Variants in NALF1 observed in about 807,000 individuals in gnomAD.
NALF1 encodes NALCN channel auxiliary factor 1.
NALF1 carries 3 observed loss-of-function variants against 48.4 expected under a neutral mutation model. The ratio of observed to expected loss-of-function variants is 0.06; its 90% confidence interval spans 0.03 to 0.16. NALF1 has a LOEUF of 0.16. Ranked by LOEUF, NALF1 falls within the 10% of genes least tolerant of loss-of-function variation. NALF1 has a pLI of 1.00. For synonymous variants in NALF1, 262 were observed against 245.7 expected, an observed-to-expected ratio of 1.07 and a Z score of -0.62; for missense variants, 526 against 571.5, an observed-to-expected ratio of 0.92 and a Z score of 0.81.
intron 1 of NALF1, among the ~76,000 whole-genome samples, chr13:107,716,389 G>A (rs2138523640): frequency 6.6e-6 from 1 of 152,296 alleles, no homozygotes; most frequent in Middle Eastern, 3.4e-3. Flanking sequence ...GCCCTGCAAA[G>A]GCTTCATCAG....
chr13:107,534,496 A>G lies in NALF1; in HGVS notation c.916-323741T>C, dbSNP rs149841825. ...TCCATCTTTTATTAAGTTCAGGTGT[A>G]CATATGCAGAATGTGCAGGTTTATT... On this transcript the variant is annotated intron_variant, in intron 1 of 2. Transcript: ENST00000375915. Among the ~76,000 whole-genome samples, 584 of 152,296 alleles carry G rather than the reference A, an allele frequency of 3.8e-3. 5 individuals carry two copies. Among genetic ancestry groups the G allele is most frequent in the African/African-American group, 0.013 (561 of 41,580 alleles).
chr13:107,371,028 A>C (rs980117771), intron 1 of NALF1, among the ~76,000 whole-genome samples: 1 of 152,206 alleles, frequency 6.6e-6, no homozygotes, highest in Admixed American at 6.5e-5. Context: ...TCAAGATGAG[A>C]TTTGGGTGGG....
At position 107,196,441 on chromosome 13, in the gene NALF1, G is replaced by A. The variant is rs1438961402; in HGVS notation, c.1087+14143C>T. On this transcript the variant is annotated intron_variant, in intron 2 of 2. Transcript: ENST00000375915. ...CAGCCAAGATGTAGAAACAATTAGA[G>A]TGTTCATCAATGGACAAATGGAAAA... is the stretch of plus-strand genomic sequence containing the variant. Among the ~76,000 whole-genome samples, 7 of 152,294 alleles carry A rather than the reference G, an allele frequency of 4.6e-5. No individual in the cohort carries two copies. The East Asian group carries it at 7.7e-4, about 17-fold the overall frequency.
intron 2 of NALF1, among the ~76,000 whole-genome samples, chr13:107,179,671 T>TAAAAA (rs3071017): frequency 3.6e-5 from 5 of 137,668 alleles, no homozygotes; most frequent in African/African-American, 1.4e-4. Flanking sequence ...TTTTGAAAAC[T>TAAAAA]AAAAAAAAAA....
At chr13:107,810,604 T>A (rs1878958646) in intron 1 of NALF1, among the ~76,000 whole-genome samples, 1 of 152,116 alleles carries the variant, frequency 6.6e-6, no homozygotes, top group Admixed American at 6.6e-5. Flanking sequence ...AAAGCTAACA[T>A]TATTTTTCAA....
At chr13:107,284,876 G>A (rs9587344) in intron 1 of NALF1, among the ~76,000 whole-genome samples, 65,944 of 151,366 alleles carry the variant, frequency 0.44, 14,913 homozygotes, top group South Asian at 0.62. Flanking sequence ...GCCGCGAGAA[G>A]TTCATTTCTA....
At chr13:107,515,430 T>C (rs1348388974) in intron 1 of NALF1, among the ~76,000 whole-genome samples, 3 of 152,114 alleles carry the variant, frequency 2.0e-5, no homozygotes, top group Non-Finnish European at 2.9e-5. Flanking sequence ...CATTTACTCC[T>C]TATAACAACC....
intron 1 of NALF1, among the ~76,000 whole-genome samples, chr13:107,696,947 A>C (rs1881714048): frequency 6.6e-6 from 1 of 152,168 alleles, no homozygotes; most frequent in Admixed American, 6.5e-5. Context: ...TTAGAATTAG[A>C]ATATGTATAA....
In NALF1 at chr13:107,169,602, G is replaced by A. The variant is rs565286407; in HGVS notation, c.*895C>T. 3.3e-5 allele frequency: 5 copies of A among 152,346 alleles called. No homozygotes were observed. The highest frequency in any genetic ancestry group is 3.3e-4 in the Admixed American group (5 of 15,298). The allele number at this position is 152,346 out of a possible 1,614,324, so 9.4% of individuals were successfully genotyped here. A position where few individuals can be genotyped will look rare whatever the true frequency, so the allele number is the denominator to read the frequency against. ...GCAAGAAAGGGCTGGGCCACTTGGG[G>A]ATGGGAACTGGAGCAATACAGTTCA... On this transcript the variant is annotated 3_prime_UTR_variant, in exon 3 of 3. Transcript: ENST00000375915.
intron 1 of NALF1, among the ~76,000 whole-genome samples, chr13:107,476,637 T>C (rs1885180171): frequency 6.6e-6 from 1 of 152,270 alleles, no homozygotes; most frequent in East Asian, 1.9e-4. Context: ...AAAGTTCAGA[T>C]ACTTTTTGAC....
At chr13:107,757,471 T>G in intron 1 of NALF1, among the ~76,000 whole-genome samples, 1 of 148,862 alleles carries the variant, frequency 6.7e-6, no homozygotes, top group Non-Finnish European at 1.5e-5. Flanking sequence ...ATGTGAATGA[T>G]AAGGGGCTAG....
At chr13:107,503,745 GTGTGTGTT>G (rs769119300) in intron 1 of NALF1, among the ~76,000 whole-genome samples, 6,698 of 65,972 alleles carry the variant, frequency 0.1, 361 homozygotes, top group African/African-American at 0.28. Flanking sequence ...TGTGTCTGGT[GTGTGTGTT>G]TGTGTGTGTG....
intron 1 of NALF1, among the ~76,000 whole-genome samples, chr13:107,519,360 G>T: frequency 1.3e-5 from 1 of 79,622 alleles, no homozygotes; most frequent in Admixed American, 1.1e-4. Flanking sequence ...GGATCCGGGA[G>T]GAGGAAAAAA....
intron 1 of NALF1, among the ~76,000 whole-genome samples, chr13:107,376,660 T>C (rs575220471): frequency 2.0e-5 from 3 of 152,306 alleles, no homozygotes; most frequent in Admixed American, 2.0e-4. Context: ...ATTTCCAAAG[T>C]AACTTAGGTC....
At chr13:107,566,474 AG>A (rs1877812759) in intron 1 of NALF1, among the ~76,000 whole-genome samples, 1 of 152,144 alleles carries the variant, frequency 6.6e-6, no homozygotes, top group Non-Finnish European at 1.5e-5. Context: ...AGTGCTGTCT[AG>A]GTCCATCGGC....
At chr13:107,427,448 T>C (rs1480337788) in intron 1 of NALF1, among the ~76,000 whole-genome samples, 3 of 152,076 alleles carry the variant, frequency 2.0e-5, no homozygotes. Flanking sequence ...GGAAGAATTT[T>C]ATTTTCATTT....
intron 1 of NALF1, among the ~76,000 whole-genome samples, chr13:107,541,648 G>A (rs962470760): frequency 1.3e-5 from 2 of 152,070 alleles, no homozygotes; most frequent in African/African-American, 2.4e-5. Flanking sequence ...TGATATATGT[G>A]TGTGTGTGCA....
At chr13:107,404,308 T>C (rs992496898) in intron 1 of NALF1, among the ~76,000 whole-genome samples, 1 of 152,132 alleles carries the variant, frequency 6.6e-6, no homozygotes, top group Non-Finnish European at 1.5e-5. Context: ...GGGATAATTA[T>C]AAAGTAAATG....
intron 1 of NALF1, among the ~76,000 whole-genome samples, chr13:107,298,865 T>C (rs1034046479): frequency 6.6e-6 from 1 of 152,200 alleles, no homozygotes; most frequent in Admixed American, 6.5e-5. Flanking sequence ...ATAACTACAA[T>C]GCAATTCTCA....
Sources: allele counts gnomAD v4.1 joint callset (sites outside exome capture counted in the v4.1 genomes callset), GRCh38; gene constraint gnomAD v4.1.1; transcripts MANE v1.5; gene names NCBI Gene and HGNC (gene_info 2026-07-23, HGNC 2026-07-21).